NEDD4L: variants seen among roughly 807,000 people sequenced by gnomAD.
NEDD4L encodes the protein NEDD4 like E3 ubiquitin protein ligase, also known as E3 ubiquitin-protein ligase NEDD4-like.
A neutral mutation model predicts 148.9 loss-of-function variants in NEDD4L; 54 were observed. The observed-to-expected ratio is 0.36, with a 90% confidence interval of 0.29 to 0.45. The LOEUF is 0.45. NEDD4L is among the 20% of genes least tolerant of loss of function. The probability of loss-of-function intolerance (pLI) is 1.00; values close to 1 mark genes in which losing one functional copy is unlikely to be tolerated. For missense variants in NEDD4L, 856 were observed against 1,233.8 expected (o/e 0.69, Z 4.59); for synonymous variants, 433 against 440.7 (o/e 0.98, Z 0.22).
At chr18:58,166,429 T>C (rs1238347749) in intron 2 of NEDD4L, among the ~76,000 whole-genome samples, 2 of 152,322 alleles carry the variant, frequency 1.3e-5, no homozygotes, top group East Asian at 3.9e-4. Flanking sequence ...TTTGTTCCTA[T>C]TGGCTGTCAG....
intron 5 of NEDD4L, 114 bp from the exon 6 acceptor site, chr18:58,315,868 C>T: frequency 1.1e-6 from 1 of 949,092 alleles, no homozygotes; most frequent in East Asian, 2.4e-5. Flanking sequence ...CCGCCCTCCA[C>T]ATTCCAGTGC....
chr18:58,373,325 C>A, intron 24 of NEDD4L, 56 bp downstream of exon 24: 1 of 989,612 alleles, frequency 1.0e-6, no homozygotes, highest in Non-Finnish European at 1.6e-6. Flanking sequence ...CATTTTTCTT[C>A]TTGACGGGCT....
At chr18:58,198,397 G>A (rs779350591) in intron 2 of NEDD4L, among the ~76,000 whole-genome samples, 40 of 152,144 alleles carry the variant, frequency 2.6e-4, no homozygotes, top group Non-Finnish European at 5.3e-4. Flanking sequence ...AGCCTAAAGC[G>A]TTTATCAGGT....
At chr18:58,283,520 T>C (rs180680744) in intron 5 of NEDD4L, among the ~76,000 whole-genome samples, 22 of 152,298 alleles carry the variant, frequency 1.4e-4, no homozygotes, top group Admixed American at 8.5e-4. Context: ...GAGAGAGATA[T>C]GCAATATTTG....
At chr18:58,295,790 G>A (rs2055472821) in intron 5 of NEDD4L, among the ~76,000 whole-genome samples, 3 of 151,992 alleles carry the variant, frequency 2.0e-5, no homozygotes, top group South Asian at 4.2e-4. Context: ...TGGCACCCAG[G>A]GCAGACAAAT....
At chr18:58,336,081 C>T (rs1366058052) in intron 13 of NEDD4L, 1 of 152,690 alleles carries the variant, frequency 6.5e-6, no homozygotes, top group Non-Finnish European at 1.5e-5. Flanking sequence ...TTCCGTAATT[C>T]CAAGGGAACA....
intron 2 of NEDD4L, among the ~76,000 whole-genome samples, chr18:58,219,627 ACC>A (rs2043519075): frequency 8.9e-6 from 1 of 112,092 alleles, no homozygotes; most frequent in East Asian, 4.4e-4. Flanking sequence ...TCATTTGTGT[ACC>A]TGTGTCCGTG....
chr18:58,106,320 C>G (rs985543901), intron 1 of NEDD4L, among the ~76,000 whole-genome samples: 4 of 152,236 alleles, frequency 2.6e-5, no homozygotes, highest in African/African-American at 9.6e-5. Context: ...GGCTTTTTAA[C>G]CCTAGTAGAA....
At position 58,343,094 on chromosome 18, in the gene NEDD4L, T is replaced by G; in HGVS notation, c.1566T>G (p.Thr522=). 1.2e-6 allele frequency: 2 copies of G among 1,603,050 alleles called. No homozygotes were observed. Among genetic ancestry groups the G allele is most frequent in the Non-Finnish European group, 1.7e-6 (2 of 1,174,138 alleles). ...RPFFIDHNTK[T]TTWEDPRLKF... ...TCTTCATTGATCATAACACAAAGACTACAACCTGGGTAAGGCTGCTGCTTT... is the reference window on the plus strand; with the variant it reads ...TCTTCATTGATCATAACACAAAGACGACAACCTGGGTAAGGCTGCTGCTTT... The change falls in exon 16 of 31, where the codon ACT becomes ACG. Residue 522 remains threonine (T), a synonymous_variant. Transcript: ENST00000400345.
chr18:58,326,566 A>G (rs2059330073), intron 9 of NEDD4L, among the ~76,000 whole-genome samples: 1 of 152,224 alleles, frequency 6.6e-6, no homozygotes, highest in Non-Finnish European at 1.5e-5. Flanking sequence ...GCTTGGTTAC[A>G]TGTAGTGACT....
chr18:58,238,796 A>G (rs983877067), intron 2 of NEDD4L, among the ~76,000 whole-genome samples: 8 of 152,218 alleles, frequency 5.3e-5, no homozygotes, highest in African/African-American at 1.9e-4. Context: ...CAGAAAAGAT[A>G]TAATAATTAT....
At chr18:58,172,606 T>C (rs1395062506) in intron 2 of NEDD4L, among the ~76,000 whole-genome samples, 1 of 152,212 alleles carries the variant, frequency 6.6e-6, no homozygotes, top group Non-Finnish European at 1.5e-5. Context: ...GAGCTAGGTA[T>C]TGAACCAGGG....
rs112521538 is a variant in NEDD4L at position 58,230,494 on chromosome 18, C to A, written c.123-14933C>A. On this transcript the variant is annotated intron_variant, in intron 2 of 30. Transcript: ENST00000400345. The stretch of plus-strand genomic sequence containing the variant: ...AACTCAAGACACTATGTGAAATGAC[C>A]CTGTGTTTCCTACATTATAGAAAAG... Among the ~76,000 whole-genome samples, 234 of 151,098 alleles carry A rather than the reference C, an allele frequency of 1.5e-3. 1 individual carries two copies. The highest frequency in any genetic ancestry group is 5.5e-3 in the African/African-American group (227 of 41,024).
At chr18:58,136,288 G>A (rs190760179) in intron 1 of NEDD4L, among the ~76,000 whole-genome samples, 52 of 152,242 alleles carry the variant, frequency 3.4e-4, no homozygotes, top group African/African-American at 1.1e-3. Flanking sequence ...ACCCTGCTCC[G>A]CATCCTGCCA....
At chr18:58,131,331 G>A (rs1178738819) in intron 1 of NEDD4L, among the ~76,000 whole-genome samples, 1 of 144,218 alleles carries the variant, frequency 6.9e-6, no homozygotes, top group Non-Finnish European at 1.5e-5. Flanking sequence ...GCTCTGTTGG[G>A]ATTTGCCTCT....
At chr18:58,053,201 C>G (rs931042014) in intron 1 of NEDD4L, among the ~76,000 whole-genome samples, 1 of 152,212 alleles carries the variant, frequency 6.6e-6, no homozygotes, top group Admixed American at 6.5e-5. Flanking sequence ...ATGTTTCCAT[C>G]TCCTGTCTAC....
At chr18:58,266,262 C>T (rs542866903) in intron 5 of NEDD4L, among the ~76,000 whole-genome samples, 26 of 152,048 alleles carry the variant, frequency 1.7e-4, no homozygotes, top group African/African-American at 5.3e-4. Context: ...ATAGAAAAAG[C>T]AGTGAAAATT....
intron 1 of NEDD4L, among the ~76,000 whole-genome samples, chr18:58,116,968 G>T (rs2085885833): frequency 6.6e-6 from 1 of 152,232 alleles, no homozygotes; most frequent in Non-Finnish European, 1.5e-5. Context: ...GGGTGGGAGA[G>T]GCAGGAGGAA....
At chr18:58,214,802 T>G (rs1159957441) in intron 2 of NEDD4L, among the ~76,000 whole-genome samples, 1 of 62,548 alleles carries the variant, frequency 1.6e-5, no homozygotes, top group African/African-American at 8.3e-5. Context: ...TTTCTTTCAT[T>G]TTTTTTTTTT....
Sources: allele counts gnomAD v4.1 joint callset (sites outside exome capture counted in the v4.1 genomes callset), GRCh38; gene constraint gnomAD v4.1.1; transcripts MANE v1.5; gene names NCBI Gene and HGNC (gene_info 2026-07-23, HGNC 2026-07-21).